FAP: variants seen among roughly 807,000 people sequenced by gnomAD.
FAP encodes prolyl endopeptidase FAP.
FAP carries 110 observed loss-of-function variants against 126.5 expected under a neutral mutation model. The observed-to-expected ratio is 0.87, with a 90% CI of 0.74 to 1.02. The LOEUF (loss-of-function observed/expected upper bound fraction) is 1.02, where lower values mean the gene tolerates loss of function less well. Among genes scored for constraint, FAP ranks in the 50% least tolerant of loss-of-function variants. The pLI is 0.00. For synonymous variants in FAP, 334 were observed against 297.3 expected (o/e 1.12, Z -1.27); for missense variants, 919 against 909.2 (o/e 1.01, Z -0.14).
At position 162,172,813 on chromosome 2, in the gene FAP, T is replaced by C; in HGVS notation, c.2179A>G (p.Met727Val). 2 of 1,610,980 alleles carry C rather than the reference T, an allele frequency of 1.2e-6. No individual in the cohort carries two copies. Among genetic ancestry groups the C allele is most frequent in the Non-Finnish European group, 1.7e-6 (2 of 1,177,472 alleles). ...LVNAQVDFQA[M>V]WYSDQNHGLS... is the part of the protein sequence containing the mutation. The stretch of plus-strand genomic sequence containing the variant: ...ATGAGTAAAACAAAATTATGTACCA[T>C]TGCCTGGAAATCCACTTGTGCATTA... The change falls in exon 25 of 26, where the codon ATG (methionine) becomes GTG (valine). Residue 727 changes from methionine (M) to valine (V), a missense_variant and splice_region_variant. Transcript: ENST00000188790.
rs1340599242 is a variant in FAP, at chr2:162,194,797, T to C, written c.1403-49A>G. Reference sequence around the variant, plus strand: ...TCATGGCTTAGTGTTAAAATAACAATTCCTTTTCAAGACGGGCTGCTGGTA... The same window carrying C: ...TCATGGCTTAGTGTTAAAATAACAACTCCTTTTCAAGACGGGCTGCTGGTA... On this transcript the variant is annotated intron_variant, in intron 16 of 25. Transcript: ENST00000188790. 5 of 1,549,754 alleles carry C rather than the reference T, an allele frequency of 3.2e-6. No homozygotes were observed. In the Admixed American group the frequency reaches 5.0e-5, roughly 16 times the overall value.
chr2:162,206,552 C>T (rs1050924227), intron 12 of FAP, among the ~76,000 whole-genome samples: 22 of 152,196 alleles, frequency 1.4e-4, no homozygotes, highest in African/African-American at 5.1e-4. Context: ...TTTTGCCAGC[C>T]GCCTAAAGAC....
At chr2:162,175,133 G>T in intron 21 of FAP, 167 bp from the exon 22 acceptor site, 1 of 542,484 alleles carries the variant, frequency 1.8e-6, no homozygotes, top group Non-Finnish European at 3.3e-6. Context: ...TCAGATAAAT[G>T]ACCAGACATA....
At chr2:162,181,489 T>A (rs910917424) in intron 21 of FAP, among the ~76,000 whole-genome samples, 1 of 152,174 alleles carries the variant, frequency 6.6e-6, no homozygotes, top group Admixed American at 6.5e-5. Context: ...AGTCTCCCTG[T>A]GTGCACCATG....
chr2:162,225,682 C>G (rs974464187), intron 3 of FAP, 105 bp from the exon 4 acceptor site: 11 of 1,170,600 alleles, frequency 9.4e-6, no homozygotes, highest in East Asian at 5.5e-5. Context: ...TGTTTTTCCT[C>G]TCTGTCCAGT....
intron 21 of FAP, chr2:162,176,530 A>C (rs1299063996): frequency 6.6e-6 from 1 of 152,172 alleles, no homozygotes; most frequent in Admixed American, 6.5e-5. Flanking sequence ...TGTCTGGTTT[A>C]AACTTTCACT....
At chr2:162,216,722 G>A (rs1689173057) in intron 9 of FAP, among the ~76,000 whole-genome samples, 1 of 152,162 alleles carries the variant, frequency 6.6e-6, no homozygotes, top group Admixed American at 6.5e-5. Context: ...ATGAAATGTA[G>A]GTGCACAGTA....
chr2:162,174,550 C>A lies in FAP; in HGVS notation c.1969+317G>T, dbSNP rs529657250. Among the ~76,000 whole-genome samples, 8 of 152,196 alleles carry A rather than the reference C, an allele frequency of 5.3e-5. No individual in the cohort carries two copies. In the East Asian group the frequency reaches 7.7e-4, roughly 15 times the overall value. Reference sequence around the variant, plus strand: ...CCGTGCTGAAGATGTGCTTAAAAGCCAATTATGCTGTAGCTGTGTGCCTGC... The same window carrying A: ...CCGTGCTGAAGATGTGCTTAAAAGCAAATTATGCTGTAGCTGTGTGCCTGC... On this transcript the variant is annotated intron_variant, in intron 22 of 25. Transcript: ENST00000188790.
At chr2:162,174,648 A>G (rs1687424127) in intron 22 of FAP, among the ~76,000 whole-genome samples, 1 of 152,288 alleles carries the variant, frequency 6.6e-6, no homozygotes, top group South Asian at 2.1e-4. Context: ...AAAATAAGAT[A>G]TAGTGGATTA....
intron 19 of FAP, 58 bp from the exon 20 acceptor site, chr2:162,188,421 C>T: frequency 6.9e-7 from 1 of 1,457,100 alleles, no homozygotes; most frequent in South Asian, 1.2e-5. Context: ...CTCAATTTCC[C>T]ATCCTGGCCA....
chr2:162,208,760 A>G (rs1688806519), intron 12 of FAP, among the ~76,000 whole-genome samples: 1 of 151,900 alleles, frequency 6.6e-6, no homozygotes, highest in African/African-American at 2.4e-5. Flanking sequence ...CTTTCACTGA[A>G]TACTACTACT....
At chr2:162,190,261 G>A (rs961313725) in intron 17 of FAP, among the ~76,000 whole-genome samples, 5 of 151,666 alleles carry the variant, frequency 3.3e-5, no homozygotes, top group East Asian at 1.9e-4. Context: ...TCTTTCTTAC[G>A]CTTTCCTGTT....
At chr2:162,213,113 C>T (rs1012635128) in intron 11 of FAP, among the ~76,000 whole-genome samples, 8 of 152,098 alleles carry the variant, frequency 5.3e-5, no homozygotes, top group Non-Finnish European at 7.4e-5. Flanking sequence ...TGCAGTGGCT[C>T]ATGCCTGTAA....
intron 2 of FAP, among the ~76,000 whole-genome samples, chr2:162,237,614 G>A (rs986130787): frequency 6.6e-6 from 1 of 152,178 alleles, no homozygotes; most frequent in Non-Finnish European, 1.5e-5. Context: ...ATGGGCATTT[G>A]GGTTGGTTCC....
At chr2:162,204,865 G>A (rs1688641299) in intron 12 of FAP, among the ~76,000 whole-genome samples, 3 of 152,196 alleles carry the variant, frequency 2.0e-5, no homozygotes. Context: ...ACCTGAGGCT[G>A]TCTCTATAAT....
At chr2:162,232,946 G>T (rs1008722801) in intron 2 of FAP, among the ~76,000 whole-genome samples, 1 of 152,032 alleles carries the variant, frequency 6.6e-6, no homozygotes, top group Non-Finnish European at 1.5e-5. Context: ...ATCTCTACTT[G>T]ACATTTTGGC....
rs746854357 is a variant in FAP, at chr2:162,214,032, C to T, written c.908G>A (p.Arg303Gln). The T allele has an allele frequency of 7.4e-6, 12 of 1,614,006 alleles. No homozygotes were observed. The highest frequency in any genetic ancestry group is 3.3e-5 in the Admixed American group (2 of 60,024). Residue 303 changes from arginine to glutamine, a missense_variant, in exon 11 of 26, where the codon CGA becomes CAA. By Grantham distance (43) the Arg-to-Gln change is conservative. Coordinates refer to ENST00000188790, the MANE Select transcript of FAP (RefSeq NM_004460.5). ...FSWLTWVTDE[R>Q]VCLQWLKRVQ... Reference sequence around the variant, plus strand: ...TCTTTTTAGCCACTGCAAACATACTCGTTCATCAGTAACCCACGTGAGCCA... The same window carrying T: ...TCTTTTTAGCCACTGCAAACATACTTGTTCATCAGTAACCCACGTGAGCCA...
intron 2 of FAP, among the ~76,000 whole-genome samples, chr2:162,236,441 T>C (rs527284265): frequency 1.3e-5 from 2 of 150,744 alleles, no homozygotes; most frequent in African/African-American, 4.8e-5. Context: ...GAAGTTTTTA[T>C]GTTTTTGTTT....
intron 17 of FAP, among the ~76,000 whole-genome samples, chr2:162,191,576 A>C (rs1688044240): frequency 6.6e-6 from 1 of 151,816 alleles, no homozygotes; most frequent in South Asian, 2.1e-4. Flanking sequence ...ATCTGCTTCC[A>C]CATGTATTTG....
Sources: gnomAD v4.1 joint callset for allele counts (sites outside exome capture counted in the v4.1 genomes callset) on GRCh38, gnomAD v4.1.1 for gene constraint, MANE v1.5 for transcripts, NCBI Gene and HGNC (gene_info 2026-07-23, HGNC 2026-07-21) for gene names.